The following SLIT2 variants were observed in gnomAD, a reference collection of about 807,000 sequenced individuals.
The protein encoded by SLIT2 is slit homolog 2 protein.
In SLIT2, 41 loss-of-function variants were observed where a neutral mutation model predicts 185.7. The observed-to-expected ratio is 0.22, with a 90% CI of 0.17 to 0.29. The LOEUF is 0.29. Among genes scored for constraint, SLIT2 ranks in the 10% least tolerant of loss-of-function variants. The probability of loss-of-function intolerance (pLI) is 1.00; values close to 1 mark genes in which losing one functional copy is unlikely to be tolerated. For synonymous variants in SLIT2, 693 were observed against 680.2 expected (o/e 1.02, Z -0.29); for missense variants, 1,571 against 1,909.0 (o/e 0.82, Z 3.30).
intron 21 of SLIT2, among the ~76,000 whole-genome samples, chr4:20,544,666 A>G (rs1723098329): frequency 6.6e-6 from 1 of 152,124 alleles, no homozygotes; most frequent in Admixed American, 6.6e-5. Flanking sequence ...TATGTGTATT[A>G]CATTAAATAA....
At chr4:20,537,284 G>A (rs1364810426) in intron 18 of SLIT2, among the ~76,000 whole-genome samples, 1 of 152,116 alleles carries the variant, frequency 6.6e-6, no homozygotes, top group Non-Finnish European at 1.5e-5. Context: ...GTAGTGTGTT[G>A]GGCTATGGCA....
intron 4 of SLIT2, among the ~76,000 whole-genome samples, chr4:20,287,755 T>A (rs1172929871): frequency 6.6e-6 from 1 of 152,216 alleles, no homozygotes; most frequent in Non-Finnish European, 1.5e-5. Context: ...AAGCTACTGG[T>A]GGCAAATTCT....
rs368781424 is a variant in SLIT2, at chr4:20,597,766, C to T, written c.3562-499C>T. 8.5e-5 allele frequency among the ~76,000 whole-genome samples: 13 copies of T among 152,266 alleles called. No individual in the cohort carries two copies. In the South Asian group the frequency reaches 2.7e-3, roughly 32 times the overall value. On this transcript the variant is annotated intron_variant, in intron 32 of 36. Transcript: ENST00000504154. ...CCACCAAATTGTTATGAGAACCACACAGTGATGTTGGGGCTTAAGTCTTAA... is the reference window on the plus strand; with the variant it reads ...CCACCAAATTGTTATGAGAACCACATAGTGATGTTGGGGCTTAAGTCTTAA...
chr4:20,430,710 A>G (rs774255028), intron 4 of SLIT2, among the ~76,000 whole-genome samples: 4 of 152,216 alleles, frequency 2.6e-5, no homozygotes, highest in Non-Finnish European at 4.4e-5. Flanking sequence ...TATAAATACC[A>G]TACAACTTGC....
rs1715210992 is a variant in SLIT2, at chr4:20,472,287, G to GATATAGATATCT, written c.467+4469_467+4470insGATATCTATATA. On this transcript the variant is annotated intron_variant, in intron 5 of 36. Coordinates refer to ENST00000504154, the MANE Select transcript of SLIT2 (RefSeq NM_004787.4). The stretch of plus-strand genomic sequence containing the variant: ...ATATAGATATATATCTATATATATA[G>GATATAGATATCT]ATATATAGATATATAGATCTATATA... Among the ~76,000 whole-genome samples, 35 of 14,884 alleles carry GATATAGATATCT rather than the reference G, an allele frequency of 2.4e-3. 3 individuals carry two copies. The highest frequency in any genetic ancestry group is 4.7e-3 in the African/African-American group (17 of 3,628). 9.8% of individuals were successfully genotyped at this position (14,884 alleles called of 152,430 possible).
At chr4:20,356,034 G>A (rs932523411) in intron 4 of SLIT2, among the ~76,000 whole-genome samples, 1 of 152,050 alleles carries the variant, frequency 6.6e-6, no homozygotes, top group African/African-American at 2.4e-5. Flanking sequence ...TTGTTAAATA[G>A]GGAACAAGAT....
chr4:20,410,808 T>A (rs1405186814), intron 4 of SLIT2, among the ~76,000 whole-genome samples: 1 of 152,146 alleles, frequency 6.6e-6, no homozygotes, highest in Non-Finnish European at 1.5e-5. Context: ...CATGCTGTTT[T>A]GGTTACTATA....
chr4:20,595,082 G>T (rs991927626), intron 30 of SLIT2, among the ~76,000 whole-genome samples: 4 of 152,044 alleles, frequency 2.6e-5, no homozygotes, highest in African/African-American at 7.3e-5. Context: ...CGTGGGATTG[G>T]CCCCGTGAAT....
chr4:20,315,366 A>G (rs1718486303), intron 4 of SLIT2, among the ~76,000 whole-genome samples: 1 of 152,132 alleles, frequency 6.6e-6, no homozygotes, highest in South Asian at 2.1e-4. Flanking sequence ...AGATATTTCA[A>G]AGATAAACTA....
At chr4:20,539,612 T>C in intron 19 of SLIT2, 28 bp downstream of exon 19, 1 of 1,463,936 alleles carries the variant, frequency 6.8e-7, no homozygotes, top group Non-Finnish European at 9.4e-7. Flanking sequence ...CCCTTATGTA[T>C]TACTTGAGCC....
At chr4:20,510,168 TTATA>T (rs1719575438) in intron 9 of SLIT2, among the ~76,000 whole-genome samples, 1 of 100,790 alleles carries the variant, frequency 9.9e-6, no homozygotes, top group African/African-American at 4.9e-5. Flanking sequence ...TTTCTCTAAC[TTATA>T]TTAAGTTAAT....
chr4:20,563,640 T>C (rs1319822045), intron 26 of SLIT2, among the ~76,000 whole-genome samples: 2 of 151,828 alleles, frequency 1.3e-5, no homozygotes, highest in African/African-American at 4.8e-5. Flanking sequence ...TCCTAGCATA[T>C]ATAGAAGGCT....
chr4:20,291,472 ATATATATATATATATATATATTTTTTTTT>A (rs1409726537), intron 4 of SLIT2, among the ~76,000 whole-genome samples: 42 of 17,682 alleles, frequency 2.4e-3, no homozygotes, highest in South Asian at 7.5e-3. Flanking sequence ...ATATATATAT[ATATATATATATATATATATATTTTTTTTT>A]TTTTTTTTTT....
intron 4 of SLIT2, among the ~76,000 whole-genome samples, chr4:20,446,321 A>T (rs142853002): frequency 1.3e-5 from 2 of 152,202 alleles, no homozygotes; most frequent in Non-Finnish European, 2.9e-5. Flanking sequence ...GATCAGCTCA[A>T]TGTGATGTTA....
At chr4:20,322,053 TATAAAC>T (rs1719136802) in intron 4 of SLIT2, among the ~76,000 whole-genome samples, 1 of 152,164 alleles carries the variant, frequency 6.6e-6, no homozygotes, top group African/African-American at 2.4e-5. Flanking sequence ...CTAAGATAGT[TATAAAC>T]ATAGCTGGGC....
chr4:20,472,386 G>GAGATATAGATATCTCTATATCTATATATA (rs1560453735), intron 5 of SLIT2, among the ~76,000 whole-genome samples: 7 of 38,394 alleles, frequency 1.8e-4, no homozygotes, highest in Admixed American at 6.1e-4. Flanking sequence ...CTATATATAT[G>GAGATATAGATATCTCTATATCTATATATA]TAGATATATA....
At chr4:20,326,919 A>AATATTGAT (rs995965630) in intron 4 of SLIT2, among the ~76,000 whole-genome samples, 8 of 151,848 alleles carry the variant, frequency 5.3e-5, no homozygotes, top group African/African-American at 1.9e-4. Flanking sequence ...GAAAGCATAG[A>AATATTGAT]ATATTGATTA....
chr4:20,596,177 G>A (rs1323962081), intron 31 of SLIT2, among the ~76,000 whole-genome samples: 1 of 152,186 alleles, frequency 6.6e-6, no homozygotes, highest in Non-Finnish European at 1.5e-5. Flanking sequence ...ACAGAGGGAT[G>A]GTGTTTGGGG....
At chr4:20,357,528 T>C (rs1189295563) in intron 4 of SLIT2, among the ~76,000 whole-genome samples, 2 of 152,078 alleles carry the variant, frequency 1.3e-5, no homozygotes, top group African/African-American at 4.8e-5. Context: ...ATGAGTTAAA[T>C]AGATGCCCCT....
Sources: gnomAD v4.1 joint callset for allele counts (sites outside exome capture counted in the v4.1 genomes callset) on GRCh38, gnomAD v4.1.1 for gene constraint, MANE v1.5 for transcripts, NCBI Gene and HGNC (gene_info 2026-07-23, HGNC 2026-07-21) for gene names.